The following ACSS3 variants were observed in gnomAD, a reference collection of about 807,000 sequenced individuals.
ACSS3 encodes the protein acyl-CoA synthetase short-chain family member 3, mitochondrial.
Under a neutral mutation model 84.2 loss-of-function variants are expected in ACSS3, and 64 were observed. The observed-to-expected ratio is 0.76, with a 90% confidence interval of 0.62 to 0.94. The LOEUF (loss-of-function observed/expected upper bound fraction) is 0.94. Among genes scored for constraint, ACSS3 ranks in the 40% least tolerant of loss-of-function variants. The pLI, the probability that ACSS3 is intolerant of heterozygous loss-of-function variation, is 0.00. For synonymous variants in ACSS3, 317 were observed against 310.1 expected (o/e 1.02, Z -0.23); for missense variants, 815 against 867.6 (o/e 0.94, Z 0.76).
chr12:81,135,858 C>T (rs1775622917), intron 3 of ACSS3, among the ~76,000 whole-genome samples: 1 of 152,110 alleles, frequency 6.6e-6, no homozygotes, highest in African/African-American at 2.4e-5. Flanking sequence ...ATGTGAAAGA[C>T]ATCTTGCTAG....
At chr12:81,179,290 GAAAAAGA>G (rs2030738019) in intron 8 of ACSS3, among the ~76,000 whole-genome samples, 1 of 95,014 alleles carries the variant, frequency 1.1e-5, no homozygotes, top group Admixed American at 1.1e-4. Flanking sequence ...AAAAAAAAAA[GAAAAAGA>G]AAAAAAAAAC....
At chr12:81,146,214 A>G (rs1178087572) in intron 5 of ACSS3, among the ~76,000 whole-genome samples, 1 of 152,176 alleles carries the variant, frequency 6.6e-6, no homozygotes, top group African/African-American at 2.4e-5. Context: ...GTAGAGCAGA[A>G]TATTTGTTGA....
intron 5 of ACSS3, among the ~76,000 whole-genome samples, chr12:81,144,095 C>CA (rs1593122949): frequency 6.6e-6 from 1 of 152,152 alleles, no homozygotes; most frequent in East Asian, 1.9e-4. Flanking sequence ...GCTATAGCAT[C>CA]AGTGTTCTGA....
At chr12:81,078,867 C>T (rs955473639) in intron 1 of ACSS3, among the ~76,000 whole-genome samples, 4 of 152,106 alleles carry the variant, frequency 2.6e-5, no homozygotes, top group African/African-American at 9.7e-5. Flanking sequence ...AATCGCACCC[C>T]ATAAGGGTTT....
chr12:81,168,849 G>A (rs769988777), intron 7 of ACSS3, among the ~76,000 whole-genome samples: 4 of 152,196 alleles, frequency 2.6e-5, no homozygotes, highest in Non-Finnish European at 4.4e-5. Context: ...AACAGCTAGT[G>A]TTACATTCTA....
chr12:81,097,384 A>G (rs974752628), intron 1 of ACSS3, among the ~76,000 whole-genome samples: 10 of 152,154 alleles, frequency 6.6e-5, no homozygotes, highest in African/African-American at 2.4e-4. Flanking sequence ...CACATAGTGG[A>G]CCAGTTTGAC....
chr12:81,247,779 G>C (rs146730341), intron 13 of ACSS3, among the ~76,000 whole-genome samples: 1 of 152,140 alleles, frequency 6.6e-6, no homozygotes, highest in African/African-American at 2.4e-5. Context: ...CTTCTGAAAT[G>C]TTTGATGATG....
At chr12:81,212,113 A>T (rs2032616730) in intron 9 of ACSS3, among the ~76,000 whole-genome samples, 3 of 152,206 alleles carry the variant, frequency 2.0e-5, no homozygotes, top group South Asian at 4.1e-4. Context: ...AACCCTCTCC[A>T]TGACATTTCA....
intron 1 of ACSS3, among the ~76,000 whole-genome samples, chr12:81,089,337 C>T (rs1035861415): frequency 1.3e-5 from 2 of 151,584 alleles, no homozygotes; most frequent in African/African-American, 4.8e-5. Context: ...TCTGCATTTT[C>T]AAGCAGAAGA....
intron 8 of ACSS3, among the ~76,000 whole-genome samples, chr12:81,186,740 C>G (rs1423518522): frequency 6.6e-6 from 1 of 151,696 alleles, no homozygotes. Context: ...GTAAAGGAAA[C>G]TCTTGTACTC....
At chr12:81,179,935 A>C (rs980718245) in intron 8 of ACSS3, among the ~76,000 whole-genome samples, 3 of 152,194 alleles carry the variant, frequency 2.0e-5, no homozygotes, top group Non-Finnish European at 4.4e-5. Flanking sequence ...TCATCTGCTC[A>C]GCTTCTGAGA....
intron 9 of ACSS3, among the ~76,000 whole-genome samples, chr12:81,205,332 G>A (rs1485736669): frequency 1.3e-5 from 2 of 152,062 alleles, no homozygotes; most frequent in African/African-American, 4.8e-5. Context: ...TAGAATTCCT[G>A]ACAGTAGACA....
intron 1 of ACSS3, among the ~76,000 whole-genome samples, chr12:81,094,149 T>A (rs566670165): frequency 6.4e-5 from 7 of 108,872 alleles, no homozygotes; most frequent in South Asian, 2.8e-4. Context: ...AAGGATATAT[T>A]TTTTTTTCCT....
chr12:81,091,637 A>G (rs1427878596), intron 1 of ACSS3, among the ~76,000 whole-genome samples: 1 of 152,014 alleles, frequency 6.6e-6, no homozygotes, highest in Non-Finnish European at 1.5e-5. Flanking sequence ...TTTCAAGTTT[A>G]TCATTAGTAA....
chr12:81,156,627 T>C (rs1026822294), intron 7 of ACSS3, among the ~76,000 whole-genome samples: 3 of 152,038 alleles, frequency 2.0e-5, no homozygotes, highest in African/African-American at 4.8e-5. Flanking sequence ...CTAAAGACGC[T>C]GCAGACATCA....
At chr12:81,154,131 T>A (rs1053670317) in intron 7 of ACSS3, among the ~76,000 whole-genome samples, 1 of 152,216 alleles carries the variant, frequency 6.6e-6, no homozygotes, top group African/African-American at 2.4e-5. Context: ...GTTTTTAATT[T>A]AAAAAATTAT....
intron 7 of ACSS3, among the ~76,000 whole-genome samples, chr12:81,156,922 G>GT (rs1886904807): frequency 2.0e-5 from 3 of 152,118 alleles, no homozygotes; most frequent in African/African-American, 7.2e-5. Flanking sequence ...ATCTACTAAT[G>GT]TTTAAGGGAG....
chr12:81,085,540 C>T (rs7954956), intron 1 of ACSS3, among the ~76,000 whole-genome samples: 59,538 of 151,936 alleles, frequency 0.39, 12,290 homozygotes, highest in African/African-American at 0.5. Context: ...AGCTAGTTAG[C>T]AGAGGCTAGA....
chr12:81,130,224 T>C (rs1363702719), intron 2 of ACSS3, among the ~76,000 whole-genome samples: 3 of 152,210 alleles, frequency 2.0e-5, no homozygotes, highest in Non-Finnish European at 4.4e-5. Context: ...ATGGTTGAAT[T>C]AGTTTACATT....
Sources: gnomAD v4.1 joint callset for allele counts (sites outside exome capture counted in the v4.1 genomes callset) on GRCh38, gnomAD v4.1.1 for gene constraint, MANE v1.5 for transcripts, NCBI Gene and HGNC (gene_info 2026-07-23, HGNC 2026-07-21) for gene names.